DEDD2: variants seen among roughly 807,000 people sequenced by gnomAD.
DEDD2 encodes the protein DNA-binding death effector domain-containing protein 2.
A neutral mutation model predicts 28.9 loss-of-function variants in DEDD2; 18 were observed. The observed-to-expected ratio is 0.62, with a 90% CI of 0.43 to 0.92. DEDD2 has a LOEUF of 0.92. Among genes scored for constraint, DEDD2 ranks in the 40% least tolerant of loss-of-function variants. The pLI is 0.00. For missense variants in DEDD2, 411 were observed against 463.3 expected (o/e 0.89, Z 1.04); for synonymous variants, 211 against 206.1 (o/e 1.02, Z -0.20).
intron 3 of DEDD2, among the ~76,000 whole-genome samples, chr19:42,210,548 G>C (rs573131409): frequency 1.3e-5 from 2 of 151,824 alleles, no homozygotes; most frequent in Non-Finnish European, 2.9e-5. Context: ...TGTCTGCCAC[G>C]ACAACCGGCT....
At chr19:42,217,920 TC>T (rs1311624618), upstream of DEDD2, among the ~76,000 whole-genome samples, 2 of 152,128 alleles carry the variant, frequency 1.3e-5, no homozygotes, top group Non-Finnish European at 2.9e-5. Flanking sequence ...GGTACCCGGT[TC>T]CAGGTCCCTA....
In DEDD2 at chr19:42,199,911, C is replaced by A. The variant is rs2035263572; in HGVS notation, c.590-82G>T. 1 of 1,479,244 alleles carries A rather than the reference C, an allele frequency of 6.8e-7. No homozygotes were observed. Among genetic ancestry groups the A allele is most frequent in the Non-Finnish European group, 9.0e-7 (1 of 1,109,304 alleles). 91.6% of individuals were successfully genotyped at this position (1,479,244 alleles called of 1,614,324 possible). A position where few individuals can be genotyped will look rare whatever the true frequency, so the allele number is the denominator to read the frequency against. On this transcript the variant is annotated intron_variant, in intron 4 of 4. Transcript: ENST00000596251. The surrounding 1 kb of genome is among the most constrained non-coding windows in gnomAD (Gnocchi z 7.4). ...GGAACGCCACCCTTCCTCCCTCCAGCCTTCTCCCTCCACCCCCTTCCGGTA... is the reference window on the plus strand; with the variant it reads ...GGAACGCCACCCTTCCTCCCTCCAGACTTCTCCCTCCACCCCCTTCCGGTA...
intron 3 of DEDD2, among the ~76,000 whole-genome samples, chr19:42,213,947 G>A (rs1440804836): frequency 1.3e-5 from 2 of 152,148 alleles, no homozygotes; most frequent in Admixed American, 1.3e-4. Flanking sequence ...GTCTTAAAGT[G>A]GTACAGGAGA....
chr19:42,200,978 C>T lies in DEDD2; in HGVS notation c.590-1149G>A, dbSNP rs953210207. ...GTACCCCCTCTCTCTACACACCCAA[C>T]GAGGCTGTCCTGAGGATCAGCTGTG... On this transcript the variant is annotated intron_variant, in intron 4 of 4. Coordinates refer to ENST00000596251, the MANE Select transcript of DEDD2 (RefSeq NM_133328.4). Among the ~76,000 whole-genome samples, 14 of 152,200 alleles carry T rather than the reference C, an allele frequency of 9.2e-5. 1 individual carries two copies. Among genetic ancestry groups the T allele is most frequent in the South Asian group, 6.2e-4 (3 of 4,832 alleles).
In DEDD2 at chr19:42,199,490, C is replaced by T. The variant is rs779540484; in HGVS notation, c.929G>A (p.Arg310His). 1.9e-6 allele frequency: 3 copies of T among 1,612,652 alleles called. No individual in the cohort carries two copies. Among genetic ancestry groups the T allele is most frequent in the East Asian group, 2.2e-5 (1 of 44,868 alleles). Residue 310 changes from arginine to histidine, a missense_variant, in exon 5 of 5, where the codon CGC (arginine) becomes CAC (histidine). Physicochemically the swap from Arg to His is conservative, Grantham distance 29. This residue lies in a region of DEDD2 where 129 missense variants were observed against 189.9 expected (regional missense o/e 0.68). Transcript: ENST00000596251. This position sits in a 1 kb window ranked among gnomAD's most constrained non-coding sequence, Gnocchi z 7.4. Reference protein sequence around the residue: ...DEADYEAGRRRLLLMEEEGGR... With the variant: ...DEADYEAGRRHLLLMEEEGGR... ...CCCTTCCTCCTCCATCAGCAACAGG[C>T]GGCGCCGGCCAGCCTCATAGTCAGC... is the stretch of plus-strand genomic sequence containing the variant.
chr19:42,208,958 C>T (rs1286981391), intron 4 of DEDD2, among the ~76,000 whole-genome samples: 1 of 152,206 alleles, frequency 6.6e-6, no homozygotes, highest in African/African-American at 2.4e-5. Context: ...AGGTGGATGG[C>T]TGGGTGCGGT....
chr19:42,209,852 A>C lies in DEDD2; in HGVS notation c.449-12T>G. 1 of 1,505,390 alleles carries C rather than the reference A, an allele frequency of 6.6e-7. No individual in the cohort carries two copies. The highest frequency in any genetic ancestry group is 8.9e-7 in the Non-Finnish European group (1 of 1,128,308). 93.3% of individuals were successfully genotyped at this position (1,505,390 alleles called of 1,614,324 possible). The stretch of plus-strand genomic sequence containing the variant: ...GGTTGGGGGGGAGCCTGAGGGGAAA[A>C]AAATGGGGCAAGTTGAGGACCAGGA... On this transcript the variant is annotated splice_polypyrimidine_tract_variant and intron_variant, in intron 3 of 4. Coordinates refer to ENST00000596251, the MANE Select transcript of DEDD2 (RefSeq NM_133328.4).
intron 3 of DEDD2, among the ~76,000 whole-genome samples, chr19:42,213,495 T>C (rs1316908907): frequency 6.6e-6 from 1 of 152,116 alleles, no homozygotes; most frequent in African/African-American, 2.4e-5. Flanking sequence ...GACCAAACTT[T>C]CCCACATCGG....
rs752237952 is a variant in DEDD2, at chr19:42,216,850, G to A, written c.158C>T (p.Pro53Leu). The A allele has an allele frequency of 2.8e-5, 44 of 1,591,000 alleles. No homozygotes were observed. Among genetic ancestry groups the A allele is most frequent in the Middle Eastern group, 3.3e-4 (2 of 6,064 alleles). The change falls in exon 2 of 5, where the codon CCT (proline) becomes CTT (leucine). Residue 53 changes from proline (P) to leucine (L), a missense_variant. By Grantham distance (98) the Pro-to-Leu change is moderately conservative (BLOSUM62 -3). Around this residue, in one of 2 missense-constraint regions of DEDD2, gnomAD observed 282 missense variants for 273.4 expected, o/e 1.03. Coordinates refer to ENST00000596251, the MANE Select transcript of DEDD2 (RefSeq NM_133328.4). ...ELLAFLLDEA[P>L]GAAGGLARAR... ...CCGGGCTAAGCCTCCGGCGGCGCCAGGAGCCTCATCCAGCAGAAAGGCCAG... is the reference window on the plus strand; with the variant it reads ...CCGGGCTAAGCCTCCGGCGGCGCCAAGAGCCTCATCCAGCAGAAAGGCCAG...
At chr19:42,219,618 C>T (rs930104444), upstream of DEDD2, among the ~76,000 whole-genome samples, 3 of 152,144 alleles carry the variant, frequency 2.0e-5, no homozygotes, top group Non-Finnish European at 2.9e-5. Context: ...ACAAACAAAC[C>T]CTCCAAGAAA....
At chr19:42,212,183 T>C (rs1382346801) in intron 3 of DEDD2, among the ~76,000 whole-genome samples, 1 of 151,642 alleles carries the variant, frequency 6.6e-6, no homozygotes, top group African/African-American at 2.4e-5. Flanking sequence ...CTGGCCAACA[T>C]GGTGAAACTG....
intron 4 of DEDD2, chr19:42,201,910 G>C (rs1358375769): frequency 2.5e-6 from 1 of 398,088 alleles, no homozygotes; most frequent in East Asian, 3.6e-5. Context: ...GCAGGGGGCT[G>C]GGAGGAGCAG....
chr19:42,214,844 C>A (rs2035900285), intron 3 of DEDD2, among the ~76,000 whole-genome samples: 1 of 152,072 alleles, frequency 6.6e-6, no homozygotes, highest in African/African-American at 2.4e-5. Context: ...TAAAATAATA[C>A]AATTAGAGAT....
At chr19:42,200,595 C>T (rs2035293176) in intron 4 of DEDD2, among the ~76,000 whole-genome samples, 1 of 152,246 alleles carries the variant, frequency 6.6e-6, no homozygotes, top group South Asian at 2.1e-4. Flanking sequence ...CAGGTACTCT[C>T]TTGCCACAGA....
chr19:42,209,848 G>GAAAAAAAAA lies in DEDD2; in HGVS notation c.449-9_449-8insTTTTTTTTT. On this transcript the variant is annotated splice_polypyrimidine_tract_variant and intron_variant, in intron 3 of 4. Transcript: ENST00000596251. ...GCTTGGTTGGGGGGGAGCCTGAGGG[G>GAAAAAAAAA]AAAAAAATGGGGCAAGTTGAGGACC... is the stretch of plus-strand genomic sequence containing the variant. 1.3e-6 allele frequency: 2 copies of GAAAAAAAAA among 1,506,976 alleles called. No homozygotes were observed. The highest frequency in any genetic ancestry group is 1.3e-5 in the South Asian group (1 of 77,938). The allele number at this position is 1,506,976 out of a possible 1,614,324, so 93.4% of individuals were successfully genotyped here.
chr19:42,212,227 A>G (rs1473958842), intron 3 of DEDD2, among the ~76,000 whole-genome samples: 1 of 145,888 alleles, frequency 6.9e-6, no homozygotes, highest in African/African-American at 2.6e-5. Context: ...TCAGCTGGAT[A>G]TGGTGGTGTG....
At chr19:42,210,532 T>C (rs1235576420) in intron 3 of DEDD2, among the ~76,000 whole-genome samples, 1 of 151,996 alleles carries the variant, frequency 6.6e-6, no homozygotes, top group African/African-American at 2.4e-5. Context: ...TAACCGGGAT[T>C]ACAGGTGTCT....
chr19:42,210,880 C>A (rs1196768451), intron 3 of DEDD2, among the ~76,000 whole-genome samples: 3 of 151,644 alleles, frequency 2.0e-5, no homozygotes, highest in African/African-American at 7.3e-5. Context: ...ACCAGTTTGA[C>A]CAACATGGTT....
chr19:42,206,062 C>T (rs1230745550), intron 4 of DEDD2, among the ~76,000 whole-genome samples: 2 of 145,576 alleles, frequency 1.4e-5, no homozygotes, highest in South Asian at 2.2e-4. Flanking sequence ...CCAGCCTGGG[C>T]GACGGAGACC....
Sources: allele counts gnomAD v4.1 joint callset (sites outside exome capture counted in the v4.1 genomes callset), GRCh38; gene constraint gnomAD v4.1.1; regional missense constraint gnomAD v4.1.1; non-coding constraint Gnocchi (gnomAD v3.1); transcripts MANE v1.5; gene names NCBI Gene and HGNC (gene_info 2026-07-23, HGNC 2026-07-21).